The following TNFAIP8 variants were observed in gnomAD, a reference collection of about 807,000 sequenced individuals.
The protein encoded by TNFAIP8 is tumor necrosis factor alpha-induced protein 8.
A neutral mutation model predicts 13.3 loss-of-function variants in TNFAIP8; 7 were observed. The observed-to-expected ratio is 0.52, with a 90% confidence interval of 0.30 to 0.99. TNFAIP8 has a LOEUF of 0.99. Ranked by LOEUF, TNFAIP8 falls within the 50% of genes least tolerant of loss-of-function variation. The probability of loss-of-function intolerance (pLI) is 0.07; values close to 1 mark genes in which losing one functional copy is unlikely to be tolerated. For missense variants in TNFAIP8, 258 were observed against 236.9 expected, an observed-to-expected ratio of 1.09 and a Z score of -0.58; for synonymous variants, 94 against 87.6, an observed-to-expected ratio of 1.07 and a Z score of -0.41.
At chr5:119,337,592 G>GA (rs199937086) in intron 1 of TNFAIP8, among the ~76,000 whole-genome samples, 313 of 150,268 alleles carry the variant, frequency 2.1e-3, no homozygotes, top group Non-Finnish European at 3.8e-3. Context: ...TTAGCAGCCA[G>GA]AAAAAAAAAT....
At chr5:119,307,588 T>A (rs1289528965) in intron 1 of TNFAIP8, among the ~76,000 whole-genome samples, 1 of 152,250 alleles carries the variant, frequency 6.6e-6, no homozygotes, top group Non-Finnish European at 1.5e-5. Context: ...CCATCGTGTT[T>A]CAATTCTAAG....
intron 1 of TNFAIP8, among the ~76,000 whole-genome samples, chr5:119,270,888 C>T (rs1340503397): frequency 6.6e-6 from 1 of 152,192 alleles, no homozygotes; most frequent in African/African-American, 2.4e-5. Context: ...AGTGATCCTG[C>T]ACAAATGGGC....
chr5:119,291,520 C>G lies in TNFAIP8; in HGVS notation c.1+22613C>G, dbSNP rs185456806. On this transcript the variant is annotated intron_variant, in intron 1 of 1. Coordinates refer to the TNFAIP8 transcript ENST00000274456. ...AATAATAATTTTATTTTTAAAAACTCATGGATTATTTTTAGCTTCAAAGAG... is the reference window on the plus strand; with the variant it reads ...AATAATAATTTTATTTTTAAAAACTGATGGATTATTTTTAGCTTCAAAGAG... Among the ~76,000 whole-genome samples the G allele has an allele frequency of 5.0e-4, 76 of 152,230 alleles. 3 individuals carry two copies.
chr5:119,280,401 ATT>A (rs57981064), intron 1 of TNFAIP8, among the ~76,000 whole-genome samples: 2 of 149,134 alleles, frequency 1.3e-5, no homozygotes, highest in African/African-American at 4.9e-5. Context: ...CTTCCTTTAA[ATT>A]TTTTTTTTTA....
intron 1 of TNFAIP8, among the ~76,000 whole-genome samples, chr5:119,311,437 A>G (rs569240660): frequency 1.3e-5 from 2 of 151,836 alleles, no homozygotes; most frequent in African/African-American, 4.8e-5. Flanking sequence ...CACACCTGTA[A>G]TCTCAGCACT....
At chr5:119,373,891 T>G (rs543143596) in intron 1 of TNFAIP8, among the ~76,000 whole-genome samples, 11 of 152,324 alleles carry the variant, frequency 7.2e-5, no homozygotes, top group African/African-American at 2.6e-4. Context: ...CCTCTTTTTG[T>G]GCCATGTAGG....
chr5:119,365,714 T>C (rs1370977701), intron 1 of TNFAIP8, among the ~76,000 whole-genome samples: 1 of 152,208 alleles, frequency 6.6e-6, no homozygotes, highest in African/African-American at 2.4e-5. Flanking sequence ...CAAAACCATT[T>C]TCACCTTTCA....
intron 1 of TNFAIP8, among the ~76,000 whole-genome samples, chr5:119,390,658 TATTC>T (rs1752857726): frequency 4.6e-5 from 7 of 152,212 alleles, no homozygotes. Flanking sequence ...GACCCTTTCT[TATTC>T]AATCAAGACA....
intron 1 of TNFAIP8, among the ~76,000 whole-genome samples, chr5:119,275,334 T>C (rs17145063): frequency 0.11 from 17,216 of 152,164 alleles, 1,020 homozygotes; most frequent in African/African-American, 0.16. Context: ...AAATCTAGAC[T>C]TGAGTCACCA....
chr5:119,315,067 T>TTTTTG (rs561512143), intron 1 of TNFAIP8, among the ~76,000 whole-genome samples: 8 of 148,892 alleles, frequency 5.4e-5, no homozygotes, highest in Admixed American at 2.6e-4. Context: ...TGTGTGTGGT[T>TTTTTG]TTTTGTTTTG....
At chr5:119,278,173 T>C (rs1266111534) in intron 1 of TNFAIP8, among the ~76,000 whole-genome samples, 1 of 152,096 alleles carries the variant, frequency 6.6e-6, no homozygotes, top group African/African-American at 2.4e-5. Flanking sequence ...CAGTCTGGGA[T>C]TGGGTAGATT....
rs149510599 is a variant in TNFAIP8, at chr5:119,337,370, T to C, written c.2-55446T>C. On this transcript the variant is annotated intron_variant, in intron 1 of 1. Coordinates refer to the TNFAIP8 transcript ENST00000274456. Reference sequence around the variant, plus strand: ...CCAGCTTGAGCCATTAGGGTTAGCATTGATTTGCTTCCTTTGGTATCATTT... The same window carrying C: ...CCAGCTTGAGCCATTAGGGTTAGCACTGATTTGCTTCCTTTGGTATCATTT... 1.6e-4 allele frequency among the ~76,000 whole-genome samples: 25 copies of C among 152,342 alleles called. No homozygotes were observed. In the East Asian group the frequency reaches 3.5e-3, roughly 21 times the overall value.
chr5:119,378,071 A>G (rs537007857), intron 1 of TNFAIP8, among the ~76,000 whole-genome samples: 20 of 152,248 alleles, frequency 1.3e-4, no homozygotes, highest in Non-Finnish European at 2.8e-4. Context: ...AAAGAAAATC[A>G]GACACACACA....
chr5:119,272,262 A>G (rs1748313933), intron 1 of TNFAIP8, among the ~76,000 whole-genome samples: 1 of 152,318 alleles, frequency 6.6e-6, no homozygotes, highest in East Asian at 1.9e-4. Flanking sequence ...CCTTAAGTCC[A>G]GCTTGCAGGA....
chr5:119,310,278 A>G (rs76351397), intron 1 of TNFAIP8, among the ~76,000 whole-genome samples: 1,760 of 152,062 alleles, frequency 0.012, 28 homozygotes, highest in African/African-American at 0.04. Flanking sequence ...GGCTGAGGCT[A>G]GAAACATGGT....
chr5:119,391,202 A>C lies in TNFAIP8; in HGVS notation c.32-1614A>C, dbSNP rs1463471380. ...AGTCACTCTTCCTATATGTCTTCCCAGTCTGGATTTTGAAGCAGCTGCCTT... is the reference window on the plus strand; with the variant it reads ...AGTCACTCTTCCTATATGTCTTCCCCGTCTGGATTTTGAAGCAGCTGCCTT... On this transcript the variant is annotated intron_variant, in intron 1 of 1. Coordinates refer to ENST00000504771, the MANE Select transcript of TNFAIP8 (RefSeq NM_014350.4). Among the ~76,000 whole-genome samples the C allele has an allele frequency of 2.0e-5, 3 of 152,070 alleles. No homozygotes were observed. In the East Asian group the frequency reaches 5.8e-4, roughly 29 times the overall value.
intron 1 of TNFAIP8, among the ~76,000 whole-genome samples, chr5:119,288,050 A>C (rs1040413285): frequency 2.6e-5 from 4 of 152,194 alleles, no homozygotes; most frequent in African/African-American, 9.7e-5. Flanking sequence ...TACCCCCATT[A>C]CTAAGACAAC....
intron 1 of TNFAIP8, among the ~76,000 whole-genome samples, chr5:119,297,345 G>T (rs1749210103): frequency 1.3e-5 from 2 of 152,040 alleles, no homozygotes; most frequent in South Asian, 2.1e-4. Context: ...CTTTATTTCT[G>T]CCTTCATTTT....
At chr5:119,269,992 C>T (rs1449046616) in intron 1 of TNFAIP8, among the ~76,000 whole-genome samples, 2 of 152,156 alleles carry the variant, frequency 1.3e-5, no homozygotes, top group East Asian at 3.9e-4. Context: ...TTTATTCTTG[C>T]TACTTTCTTG....
Sources: gnomAD v4.1 joint callset for allele counts (sites outside exome capture counted in the v4.1 genomes callset) on GRCh38, gnomAD v4.1.1 for gene constraint, MANE v1.5 for transcripts, NCBI Gene and HGNC (gene_info 2026-07-23, HGNC 2026-07-21) for gene names.